Variants in COL4A2 observed in about 807,000 individuals in gnomAD.
The protein encoded by COL4A2 is collagen type IV alpha 2 chain.
COL4A2 carries 99 observed loss-of-function variants against 200.2 expected under a neutral mutation model. The ratio of observed to expected loss-of-function variants is 0.49; its 90% confidence interval spans 0.42 to 0.58. The LOEUF (loss-of-function observed/expected upper bound fraction) is 0.58, where lower values mean the gene tolerates loss of function less well. Among genes scored for constraint, COL4A2 ranks in the 20% least tolerant of loss-of-function variants. The pLI is 0.00. For missense variants in COL4A2, 1,950 were observed against 2,314.1 expected (o/e 0.84, Z 3.23); for synonymous variants, 897 against 900.6 (o/e 1.00, Z 0.07).
chr13:110,338,363 G>A (rs565292545), intron 3 of COL4A2, among the ~76,000 whole-genome samples: 6 of 150,014 alleles, frequency 4.0e-5, no homozygotes, highest in Admixed American at 3.4e-4. Context: ...AGAGAGAGGA[G>A]AGAGGCACAG....
chr13:110,383,606 CTTTTTTTTT>C (rs67906394), intron 4 of COL4A2, among the ~76,000 whole-genome samples: 1,434 of 65,426 alleles, frequency 0.022, 21 homozygotes, highest in African/African-American at 0.076. Context: ...CAGCCCTTTT[CTTTTTTTTT>C]TTTTTTTTTT....
chr13:110,465,363 C>T (rs762055025), intron 24 of COL4A2, 42 bp from the exon 25 acceptor site: 3 of 1,555,488 alleles, frequency 1.9e-6, no homozygotes, highest in Admixed American at 2.1e-5. Context: ...CGATCTTTAA[C>T]ATTAGTATAT....
chr13:110,425,895 C>T (rs1212240737), intron 6 of COL4A2, among the ~76,000 whole-genome samples: 5 of 152,060 alleles, frequency 3.3e-5, no homozygotes, highest in African/African-American at 1.2e-4. Flanking sequence ...GTCCCACCGT[C>T]GAGGAGACAT....
intron 37 of COL4A2, 113 bp from the exon 38 acceptor site, chr13:110,491,957 G>T (rs967879611): frequency 3.6e-6 from 3 of 822,518 alleles, no homozygotes; most frequent in Non-Finnish European, 5.5e-6. Context: ...CTGGCACTGC[G>T]GCCCTTCCGG....
intron 18 of COL4A2, 115 bp from the exon 19 acceptor site, chr13:110,449,564 G>A: frequency 1.0e-6 from 1 of 965,064 alleles, no homozygotes; most frequent in Non-Finnish European, 1.5e-6. Flanking sequence ...TCCTCATCAG[G>A]CCGCATACAG....
chr13:110,425,045 G>A, intron 6 of COL4A2, 48 bp downstream of exon 6: 1 of 1,498,070 alleles, frequency 6.7e-7, no homozygotes, highest in South Asian at 1.2e-5. Context: ...GTGCATCCTA[G>A]GCAATACATT....
At chr13:110,466,532 C>T (rs1882247143) in intron 26 of COL4A2, among the ~76,000 whole-genome samples, 1 of 152,248 alleles carries the variant, frequency 6.6e-6, no homozygotes, top group African/African-American at 2.4e-5. Context: ...TCACTGCTCC[C>T]AGCCACACCA....
intron 4 of COL4A2, among the ~76,000 whole-genome samples, chr13:110,361,106 C>A (rs1002411710): frequency 8.5e-5 from 13 of 152,214 alleles, no homozygotes; most frequent in African/African-American, 3.1e-4. Context: ...TGGAGATATT[C>A]TTCTGTGTGT....
intron 21 of COL4A2, chr13:110,457,704 G>T: frequency 1.6e-6 from 1 of 616,414 alleles, no homozygotes; most frequent in Non-Finnish European, 3.1e-6. Context: ...CAGTGAGCCT[G>T]ATGCTGAGTC....
chr13:110,487,886 C>T (rs771554460), intron 34 of COL4A2, among the ~76,000 whole-genome samples: 8 of 152,110 alleles, frequency 5.3e-5, no homozygotes, highest in Non-Finnish European at 8.8e-5. Context: ...TTGAGCTGTG[C>T]GTTTAAGATG....
intron 30 of COL4A2, among the ~76,000 whole-genome samples, chr13:110,478,779 T>G (rs1314811949): frequency 1.3e-5 from 2 of 151,086 alleles, no homozygotes; most frequent in Non-Finnish European, 3.0e-5. Context: ...CCTTTTTGTT[T>G]TGTCCAGAAA....
At chr13:110,338,076 C>T (rs1255329488) in intron 3 of COL4A2, among the ~76,000 whole-genome samples, 2 of 152,130 alleles carry the variant, frequency 1.3e-5, no homozygotes, top group African/African-American at 4.8e-5. Flanking sequence ...GCGTATTGCT[C>T]ACTTGGATCC....
At chr13:110,486,741 T>C (rs1357319084) in intron 34 of COL4A2, among the ~76,000 whole-genome samples, 1 of 150,466 alleles carries the variant, frequency 6.6e-6, no homozygotes, top group Admixed American at 6.6e-5. Flanking sequence ...AGGATTTGGG[T>C]AGGTAAAGGA....
intron 3 of COL4A2, among the ~76,000 whole-genome samples, chr13:110,327,305 G>T (rs578231973): frequency 6.6e-6 from 1 of 150,936 alleles, no homozygotes; most frequent in African/African-American, 2.5e-5. Flanking sequence ...TGCCCTTCCC[G>T]GGGGGTCCTC....
intron 33 of COL4A2, 45 bp downstream of exon 33, chr13:110,485,072 C>T (rs1334812683): frequency 1.3e-6 from 2 of 1,506,346 alleles, no homozygotes; most frequent in South Asian, 1.3e-5. Context: ...TCCCTGCCGC[C>T]CCAGCCCGCA....
At chr13:110,326,866 A>T (rs1038992637) in intron 3 of COL4A2, among the ~76,000 whole-genome samples, 1 of 152,202 alleles carries the variant, frequency 6.6e-6, no homozygotes, top group African/African-American at 2.4e-5. Context: ...AGCAGTTCAC[A>T]CAGTCTCAGA....
intron 4 of COL4A2, among the ~76,000 whole-genome samples, chr13:110,385,860 G>GTGTGTCGATGGGCCGTGGTTA (rs1878708365): frequency 5.0e-4 from 1 of 2,018 alleles, no homozygotes; most frequent in African/African-American, 1.7e-3. Flanking sequence ...GGCCGTGGTT[G>GTGTGTCGATGGGCCGTGGTTA]CAGCGTGTGG....
At position 110,408,799 on chromosome 13, in the gene COL4A2, G is replaced by GCA. The variant is rs1879681590; in HGVS notation, c.181-15930_181-15929dup. Among the ~76,000 whole-genome samples the GCA allele has an allele frequency of 1.3e-4, 5 of 39,390 alleles. 1 individual carries two copies. The highest frequency in any genetic ancestry group is 3.1e-4 in the Non-Finnish European group (5 of 16,166). The allele number at this position is 39,390 out of a possible 152,430, so 25.8% of individuals were successfully genotyped here. ...CCACATGACACGCGTACACACACACGCACACATATATATACACACACACAT... is the reference window on the plus strand; with the variant it reads ...CCACATGACACGCGTACACACACACGCACACACATATATATACACACACACAT... On this transcript the variant is annotated intron_variant, in intron 4 of 47. Coordinates refer to ENST00000360467, the MANE Select transcript of COL4A2 (RefSeq NM_001846.4).
intron 46 of COL4A2, 121 bp downstream of exon 46, chr13:110,506,727 G>C: frequency 9.3e-7 from 1 of 1,075,518 alleles, no homozygotes; most frequent in Non-Finnish European, 1.3e-6. Flanking sequence ...CTGACGGAAG[G>C]GTCCATCTAC....
Sources: allele counts gnomAD v4.1 joint callset (sites outside exome capture counted in the v4.1 genomes callset), GRCh38; gene constraint gnomAD v4.1.1; transcripts MANE v1.5; gene names NCBI Gene and HGNC (gene_info 2026-07-23, HGNC 2026-07-21).